Variants in CNTNAP2 observed in about 807,000 individuals in gnomAD.
CNTNAP2 encodes contactin-associated protein-like 2.
A neutral mutation model predicts 155.2 loss-of-function variants in CNTNAP2; 98 were observed. That is an observed-to-expected ratio of 0.63 (90% confidence interval 0.54 to 0.75). The LOEUF (loss-of-function observed/expected upper bound fraction) is 0.75, where lower values mean the gene tolerates loss of function less well. CNTNAP2 is among the 30% of genes least tolerant of loss of function. The probability of loss-of-function intolerance (pLI) is 0.00; values close to 1 mark genes in which losing one functional copy is unlikely to be tolerated. For synonymous variants in CNTNAP2, 651 were observed against 631.2 expected, an observed-to-expected ratio of 1.03 and a Z score of -0.47; for missense variants, 1,727 against 1,688.1, an observed-to-expected ratio of 1.02 and a Z score of -0.40.
intron 2 of CNTNAP2, among the ~76,000 whole-genome samples, chr7:146,781,236 A>C (rs1033592771): frequency 6.6e-6 from 1 of 151,504 alleles, no homozygotes; most frequent in Non-Finnish European, 1.5e-5. Flanking sequence ...TCAAAAAAAA[A>C]AAAACAAAAA....
intron 3 of CNTNAP2, among the ~76,000 whole-genome samples, chr7:147,031,570 G>T (rs1477418719): frequency 6.6e-6 from 1 of 152,322 alleles, no homozygotes; most frequent in African/African-American, 2.4e-5. Context: ...TAACAAAATT[G>T]TTCTGAGTGA....
At chr7:147,061,724 A>T (rs1799678873) in intron 4 of CNTNAP2, among the ~76,000 whole-genome samples, 1 of 152,190 alleles carries the variant, frequency 6.6e-6, no homozygotes, top group South Asian at 2.1e-4. Flanking sequence ...ACCTATAAAT[A>T]ATTATCCCAA....
intron 15 of CNTNAP2, among the ~76,000 whole-genome samples, chr7:148,082,391 A>G (rs986510416): frequency 6.6e-6 from 1 of 152,150 alleles, no homozygotes; most frequent in East Asian, 1.9e-4. Flanking sequence ...TTTTTCTCTT[A>G]TGAGTTATGG....
chr7:147,489,468 G>A (rs1424964832), intron 11 of CNTNAP2, among the ~76,000 whole-genome samples: 1 of 152,122 alleles, frequency 6.6e-6, no homozygotes, highest in Non-Finnish European at 1.5e-5. Flanking sequence ...TCTCATACAG[G>A]CATTCCACTC....
chr7:146,360,083 G>A (rs947872801), intron 1 of CNTNAP2, among the ~76,000 whole-genome samples: 1 of 152,148 alleles, frequency 6.6e-6, no homozygotes, highest in Non-Finnish European at 1.5e-5. Context: ...TAGGTCCACT[G>A]TTTCTCTACC....
chr7:148,092,127 G>C (rs1353290311), intron 15 of CNTNAP2, among the ~76,000 whole-genome samples: 1 of 152,192 alleles, frequency 6.6e-6, no homozygotes, highest in East Asian at 1.9e-4. Flanking sequence ...GAGAAAGCTT[G>C]CATAAGTCTC....
intron 1 of CNTNAP2, among the ~76,000 whole-genome samples, chr7:146,163,549 A>ATG (rs1472320802): frequency 1.4e-5 from 2 of 140,846 alleles, no homozygotes; most frequent in Non-Finnish European, 3.0e-5. Flanking sequence ...ATATCTATAT[A>ATG]TCTATATCTA....
intron 22 of CNTNAP2, among the ~76,000 whole-genome samples, chr7:148,404,037 C>T (rs1221054703): frequency 6.6e-6 from 1 of 152,172 alleles, no homozygotes; most frequent in Non-Finnish European, 1.5e-5. Flanking sequence ...GAATAAGAAA[C>T]CTGCCTCACT....
intron 20 of CNTNAP2, among the ~76,000 whole-genome samples, chr7:148,260,725 C>T (rs1796543094): frequency 6.6e-6 from 1 of 152,200 alleles, no homozygotes; most frequent in Non-Finnish European, 1.5e-5. Context: ...CGGTGGGTGT[C>T]TGACCGTAAT....
chr7:146,180,159 A>G (rs13243694), intron 1 of CNTNAP2, among the ~76,000 whole-genome samples: 16,998 of 152,260 alleles, frequency 0.11, 1,244 homozygotes, highest in Non-Finnish European at 0.17. Flanking sequence ...TTTCACTTTA[A>G]TAATTACAAC....
At chr7:146,590,026 G>A (rs549261615) in intron 1 of CNTNAP2, among the ~76,000 whole-genome samples, 26 of 152,258 alleles carry the variant, frequency 1.7e-4, no homozygotes, top group South Asian at 2.1e-4. Context: ...CTCTGTCTAC[G>A]GAGGAATGAA....
At chr7:148,155,324 G>T (rs923970714) in intron 17 of CNTNAP2, among the ~76,000 whole-genome samples, 1 of 152,168 alleles carries the variant, frequency 6.6e-6, no homozygotes, top group Non-Finnish European at 1.5e-5. Context: ...TTCATTCAGG[G>T]CTGTTGCGAC....
intron 1 of CNTNAP2, among the ~76,000 whole-genome samples, chr7:146,664,454 C>A (rs1459856333): frequency 6.6e-6 from 1 of 152,114 alleles, no homozygotes; most frequent in African/African-American, 2.4e-5. Flanking sequence ...ACCCACCATG[C>A]CCAGCCCCAT....
intron 17 of CNTNAP2, among the ~76,000 whole-genome samples, 161 bp downstream of exon 17, chr7:148,147,870 T>TA (rs1304224169): frequency 6.6e-6 from 1 of 152,040 alleles, no homozygotes; most frequent in Non-Finnish European, 1.5e-5. Context: ...CAGAATGGAA[T>TA]AAGGAAGAAG....
intron 3 of CNTNAP2, among the ~76,000 whole-genome samples, chr7:147,030,867 G>C (rs1799019015): frequency 6.6e-6 from 1 of 152,110 alleles, no homozygotes; most frequent in African/African-American, 2.4e-5. Flanking sequence ...CTGGGCTACA[G>C]CGCAAGACCC....
At chr7:146,143,251 T>G in intron 1 of CNTNAP2, among the ~76,000 whole-genome samples, 1 of 152,210 alleles carries the variant, frequency 6.6e-6, no homozygotes, top group East Asian at 1.9e-4. Flanking sequence ...TTCTTTTTAT[T>G]ATGCCAGTTT....
intron 13 of CNTNAP2, among the ~76,000 whole-genome samples, chr7:147,802,382 G>T (rs1190539524): frequency 1.3e-5 from 2 of 152,056 alleles, no homozygotes; most frequent in Non-Finnish European, 2.9e-5. Flanking sequence ...GTGGCGGCCG[G>T]GCAGAGGCTG....
intron 1 of CNTNAP2, among the ~76,000 whole-genome samples, chr7:146,191,200 T>G (rs182294468): frequency 2.0e-5 from 3 of 152,102 alleles, no homozygotes; most frequent in Admixed American, 1.3e-4. Flanking sequence ...AGGGAAAGAG[T>G]ACAAAACAGA....
chr7:146,163,485 ATCTATATCTATATC>A (rs1798257416), intron 1 of CNTNAP2, among the ~76,000 whole-genome samples: 1 of 137,454 alleles, frequency 7.3e-6, no homozygotes, highest in Non-Finnish European at 1.5e-5. Context: ...ATATATATCT[ATCTATATCTATATC>A]TATATATCTA....
Sources: gnomAD v4.1 joint callset for allele counts (sites outside exome capture counted in the v4.1 genomes callset) on GRCh38, gnomAD v4.1.1 for gene constraint, MANE v1.5 for transcripts, NCBI Gene and HGNC (gene_info 2026-07-23, HGNC 2026-07-21) for gene names.